Variants in NHSL1 observed in about 807,000 individuals in gnomAD.
The protein encoded by NHSL1 is NHS-like protein 1.
In NHSL1, 48 loss-of-function variants were observed where a neutral mutation model predicts 95.0. That is an observed-to-expected ratio of 0.51 (90% CI 0.40 to 0.64). The LOEUF is 0.64. Among genes scored for constraint, NHSL1 ranks in the 30% least tolerant of loss-of-function variants. NHSL1 has a pLI of 0.00. For missense variants in NHSL1, 1,971 were observed against 2,077.7 expected (o/e 0.95, Z 1.00); for synonymous variants, 783 against 833.9 (o/e 0.94, Z 1.05).
intron 4 of NHSL1, among the ~76,000 whole-genome samples, chr6:138,444,822 A>T (rs1776758115): frequency 6.6e-6 from 1 of 152,222 alleles, no homozygotes; most frequent in Non-Finnish European, 1.5e-5. Context: ...AGAAAAACTA[A>T]TTCTTTAAGA....
intron 1 of NHSL1, among the ~76,000 whole-genome samples, chr6:138,539,888 C>A (rs955878465): frequency 6.6e-6 from 1 of 152,148 alleles, no homozygotes; most frequent in African/African-American, 2.4e-5. Flanking sequence ...GCATGGTAAT[C>A]TGGCTTCTAC....
At chr6:138,673,528 A>G (rs1284474518) in intron 1 of NHSL1, among the ~76,000 whole-genome samples, 1 of 152,104 alleles carries the variant, frequency 6.6e-6, no homozygotes, top group Admixed American at 6.5e-5. Context: ...GCCCAATTCC[A>G]TATAACACAA....
intron 1 of NHSL1, among the ~76,000 whole-genome samples, chr6:138,587,826 C>CA (rs1381395544): frequency 1.3e-5 from 2 of 152,240 alleles, no homozygotes; most frequent in Non-Finnish European, 2.9e-5. Flanking sequence ...CTGGCTCCAT[C>CA]AGGAAGGACA....
At chr6:138,591,811 C>T (rs1030575532) in intron 1 of NHSL1, among the ~76,000 whole-genome samples, 1 of 152,182 alleles carries the variant, frequency 6.6e-6, no homozygotes, top group African/African-American at 2.4e-5. Flanking sequence ...CAGCCCTGCA[C>T]GTGCACGTGG....
chr6:138,682,875 G>A (rs1408468944), intron 1 of NHSL1, among the ~76,000 whole-genome samples: 2 of 152,180 alleles, frequency 1.3e-5, no homozygotes, highest in East Asian at 1.9e-4. Flanking sequence ...TGGGTAACCC[G>A]GAGATGAACA....
chr6:138,538,824 A>C (rs1225798801), intron 1 of NHSL1, among the ~76,000 whole-genome samples: 1 of 152,186 alleles, frequency 6.6e-6, no homozygotes, highest in Non-Finnish European at 1.5e-5. Context: ...AATTCACTTA[A>C]AGTGTACTAC....
chr6:138,576,032 C>G (rs768369142), upstream of NHSL1, among the ~76,000 whole-genome samples: 1 of 151,934 alleles, frequency 6.6e-6, no homozygotes, highest in Non-Finnish European at 1.5e-5. Context: ...CACTCTGTCA[C>G]TCAGGCCAGA....
At chr6:138,440,790 C>T (rs536720730) in intron 5 of NHSL1, among the ~76,000 whole-genome samples, 1 of 152,324 alleles carries the variant, frequency 6.6e-6, no homozygotes, top group Non-Finnish European at 1.5e-5. Flanking sequence ...AAGGTGCTAT[C>T]ACAGATATAT....
intron 2 of NHSL1, among the ~76,000 whole-genome samples, chr6:138,488,951 T>G (rs1779874316): frequency 6.6e-6 from 1 of 152,212 alleles, no homozygotes; most frequent in African/African-American, 2.4e-5. Context: ...GGGCAGCTCC[T>G]TTCAGCTCCA....
intron 1 of NHSL1, among the ~76,000 whole-genome samples, chr6:138,679,032 A>G (rs765743449): frequency 3.9e-5 from 6 of 152,232 alleles, no homozygotes; most frequent in Non-Finnish European, 8.8e-5. Context: ...AAGTTTTTCA[A>G]TTAAACCGTC....
At chr6:138,472,241 A>C (rs1190840756) in intron 3 of NHSL1, among the ~76,000 whole-genome samples, 1 of 151,886 alleles carries the variant, frequency 6.6e-6, no homozygotes, top group East Asian at 1.9e-4. Flanking sequence ...TTTGAAGATC[A>C]AAAATTTAAG....
intron 1 of NHSL1, among the ~76,000 whole-genome samples, chr6:138,568,412 C>T (rs534743751): frequency 6.6e-6 from 1 of 152,322 alleles, no homozygotes; most frequent in South Asian, 2.1e-4. Context: ...TGAAAAGTTA[C>T]ATATTGTCTT....
At chr6:138,543,193 C>T (rs1020907388) in intron 1 of NHSL1, among the ~76,000 whole-genome samples, 1 of 152,162 alleles carries the variant, frequency 6.6e-6, no homozygotes, top group Non-Finnish European at 1.5e-5. Flanking sequence ...TCACTTGCTA[C>T]ACAGTGAAGG....
At chr6:138,437,029 T>C (rs535588164) in intron 5 of NHSL1, among the ~76,000 whole-genome samples, 1 of 152,040 alleles carries the variant, frequency 6.6e-6, no homozygotes, top group East Asian at 1.9e-4. Context: ...CCCAACACTT[T>C]GGGAGGCCAA....
intron 1 of NHSL1, among the ~76,000 whole-genome samples, chr6:138,649,856 G>C (rs1185499559): frequency 6.6e-6 from 1 of 152,146 alleles, no homozygotes; most frequent in East Asian, 1.9e-4. Flanking sequence ...TGACTGGAGG[G>C]GTAGATAGGG....
At chr6:138,621,840 C>T (rs1213364678) in intron 1 of NHSL1, among the ~76,000 whole-genome samples, 1 of 152,214 alleles carries the variant, frequency 6.6e-6, no homozygotes, top group East Asian at 1.9e-4. Context: ...CTGTCACTGT[C>T]ACAGAAAGGC....
intron 1 of NHSL1, among the ~76,000 whole-genome samples, chr6:138,684,646 G>GAAAAAA (rs370171537): frequency 6.7e-6 from 1 of 149,018 alleles, no homozygotes. Flanking sequence ...CTCCGTCTCA[G>GAAAAAA]AAAAACAAAC....
intron 1 of NHSL1, among the ~76,000 whole-genome samples, chr6:138,556,389 T>C (rs542605555): frequency 2.6e-4 from 39 of 152,282 alleles, no homozygotes; most frequent in African/African-American, 9.4e-4. Context: ...TAACAATGCT[T>C]CTGTCATTGT....
intron 5 of NHSL1, among the ~76,000 whole-genome samples, chr6:138,434,892 C>T (rs914168192): frequency 1.3e-5 from 2 of 152,194 alleles, no homozygotes; most frequent in African/African-American, 4.8e-5. Context: ...CAGCACTGTG[C>T]TTGTATCAAC....
Sources: allele counts gnomAD v4.1 joint callset (sites outside exome capture counted in the v4.1 genomes callset), GRCh38; gene constraint gnomAD v4.1.1; transcripts MANE v1.5; gene names NCBI Gene and HGNC (gene_info 2026-07-23, HGNC 2026-07-21).